Variants in RPS6KA3 observed in about 807,000 individuals in gnomAD.
RPS6KA3 encodes the protein ribosomal protein S6 kinase alpha-3.
RPS6KA3 carries 4 observed loss-of-function variants against 67.2 expected under a neutral mutation model. The observed-to-expected ratio is 0.06, with a 90% CI of 0.03 to 0.14. RPS6KA3 has a LOEUF of 0.14. RPS6KA3 is among the 10% of genes least tolerant of loss of function. The pLI, the probability that RPS6KA3 is intolerant of heterozygous loss-of-function variation, is 1.00. For synonymous variants in RPS6KA3, 182 were observed against 183.7 expected (o/e 0.99, Z 0.07); for missense variants, 204 against 559.0 (o/e 0.36, Z 6.40).
At chrX:20,229,664 T>C (rs1030256425) in intron 2 of RPS6KA3, among the ~76,000 whole-genome samples, 1 of 112,586 alleles carries the variant, frequency 8.9e-6, no homozygotes, top group Non-Finnish European at 1.9e-5. Flanking sequence ...AAAGGAAAAC[T>C]TTTAATTATA....
chrX:20,176,046 T>G (rs373928521), intron 13 of RPS6KA3, among the ~76,000 whole-genome samples: 1 of 110,786 alleles, frequency 9.0e-6, no homozygotes, highest in Non-Finnish European at 1.9e-5. Flanking sequence ...AATTTTGGTA[T>G]TTTTAGTAGA....
At chrX:20,188,135 G>A (rs1022650689) in intron 8 of RPS6KA3, among the ~76,000 whole-genome samples, 165 bp from the exon 9 acceptor site, 10 of 111,649 alleles carry the variant, frequency 9.0e-5, no homozygotes, top group East Asian at 5.6e-4. Flanking sequence ...GTACAGTGAC[G>A]CCATCTTGGC....
At chrX:20,260,886 A>T (rs1279133590) in intron 1 of RPS6KA3, among the ~76,000 whole-genome samples, 1 of 112,017 alleles carries the variant, frequency 8.9e-6, no homozygotes, top group East Asian at 2.8e-4. Context: ...CAGAGCCAGG[A>T]CTCAAACACA....
intron 2 of RPS6KA3, among the ~76,000 whole-genome samples, chrX:20,216,452 T>C (rs1376173531): frequency 9.0e-6 from 1 of 111,104 alleles, no homozygotes; most frequent in Non-Finnish European, 1.9e-5. Flanking sequence ...ATAAGTCAAA[T>C]GGACCAAAAA....
intron 9 of RPS6KA3, among the ~76,000 whole-genome samples, chrX:20,187,212 C>T (rs1334794869): frequency 3.7e-5 from 4 of 109,533 alleles, no homozygotes; most frequent in East Asian, 5.8e-4. Flanking sequence ...CCACCGCGCC[C>T]GGCAGAACTT....
intron 20 of RPS6KA3, among the ~76,000 whole-genome samples, chrX:20,160,313 C>T (rs1010979886): frequency 5.2e-4 from 58 of 112,190 alleles, no homozygotes; most frequent in African/African-American, 1.8e-3. Flanking sequence ...TTATTAAGCA[C>T]ATTGTAGGCA....
chrX:20,162,140 A>G lies in RPS6KA3; in HGVS notation c.1842-379T>C, dbSNP rs764312560. 2.7e-5 allele frequency among the ~76,000 whole-genome samples: 3 copies of G among 109,235 alleles called. No homozygotes were observed. The East Asian group carries it at 8.7e-4, about 32-fold the overall frequency. 94.9% of individuals were successfully genotyped at this position (109,235 alleles called of 115,157 possible). A position where few individuals can be genotyped will look rare whatever the true frequency, so the allele number is the denominator to read the frequency against. On this transcript the variant is annotated intron_variant, in intron 19 of 21. Coordinates refer to ENST00000379565, the MANE Select transcript of RPS6KA3 (RefSeq NM_004586.3). The stretch of plus-strand genomic sequence containing the variant: ...ATCACGAGGTCAGGAGTTTGAGACC[A>G]GCCTGGCCAACATGATGAAACATTG...
intron 1 of RPS6KA3, among the ~76,000 whole-genome samples, chrX:20,259,276 T>A (rs1021566511): frequency 2.7e-5 from 3 of 111,428 alleles, no homozygotes; most frequent in African/African-American, 9.8e-5. Flanking sequence ...TGGCATAAAG[T>A]GGCATATAAG....
At chrX:20,208,710 G>A (rs1355797285) in intron 3 of RPS6KA3, among the ~76,000 whole-genome samples, 1 of 111,677 alleles carries the variant, frequency 9.0e-6, no homozygotes, top group African/African-American at 3.3e-5. Context: ...AGAGGAGGCA[G>A]ACCCTGCCTT....
intron 1 of RPS6KA3, among the ~76,000 whole-genome samples, chrX:20,242,092 T>C (rs986729133): frequency 9.0e-6 from 1 of 111,448 alleles, no homozygotes; most frequent in African/African-American, 3.3e-5. Context: ...AAGGGTTCAA[T>C]AGTGAAGAAT....
rs1441792340 is a variant in RPS6KA3, at chrX:20,151,346, G to A, written c.*4052C>T. The A allele has an allele frequency of 8.9e-6, 1 of 112,776 alleles. No homozygotes were observed. Among genetic ancestry groups the A allele is most frequent in the Non-Finnish European group, 1.9e-5 (1 of 53,323 alleles). The allele number at this position is 112,776 out of a possible 1,213,427, so 9.3% of individuals were successfully genotyped here. On this transcript the variant is annotated 3_prime_UTR_variant, in exon 22 of 22. Coordinates refer to ENST00000379565, the MANE Select transcript of RPS6KA3 (RefSeq NM_004586.3). ...TGGTCTCCACCAATGGTCACTTGGG[G>A]AGACCAGCAAAATGTAAGCAACCTG...
At position 20,151,527 on chromosome X, in the gene RPS6KA3, G is replaced by T. The variant is rs1432534137; in HGVS notation, c.*3871C>A. ...AGGGACACAACTCTAGGACTAGATT[G>T]AAACCTCCTGGTTTAAGCACCAAGG... On this transcript the variant is annotated 3_prime_UTR_variant, in exon 22 of 22. Coordinates refer to ENST00000379565, the MANE Select transcript of RPS6KA3 (RefSeq NM_004586.3). 1 of 112,451 alleles carries T rather than the reference G, an allele frequency of 8.9e-6. No homozygotes were observed. Among genetic ancestry groups the T allele is most frequent in the Non-Finnish European group, 1.9e-5 (1 of 53,250 alleles). The allele number at this position is 112,451 out of a possible 1,213,427, so 9.3% of individuals were successfully genotyped here. A position where few individuals can be genotyped will look rare whatever the true frequency, so the allele number is the denominator to read the frequency against.
intron 15 of RPS6KA3, among the ~76,000 whole-genome samples, chrX:20,170,942 T>C (rs966164543): frequency 1.8e-5 from 2 of 109,367 alleles, no homozygotes; most frequent in African/African-American, 6.7e-5. Context: ...GCCTGGCTAA[T>C]TTTTAAACAA....
chrX:20,196,437 TAAATGATTATAA>T (rs774662059), intron 4 of RPS6KA3, among the ~76,000 whole-genome samples: 1 of 112,351 alleles, frequency 8.9e-6, no homozygotes, highest in Admixed American at 9.4e-5. Flanking sequence ...GACAGGTAAA[TAAATGATTATAA>T]TACATTCTAA....
At chrX:20,263,823 A>AG (rs943527921) in intron 1 of RPS6KA3, among the ~76,000 whole-genome samples, 5 of 111,439 alleles carry the variant, frequency 4.5e-5, no homozygotes, top group East Asian at 2.8e-4. Flanking sequence ...GGATTCAGAG[A>AG]GGGGGGGAAA....
intron 1 of RPS6KA3, among the ~76,000 whole-genome samples, chrX:20,259,725 C>A (rs2147078917): frequency 9.0e-6 from 1 of 111,345 alleles, no homozygotes; most frequent in Non-Finnish European, 1.9e-5. Flanking sequence ...ATGCCGTGGG[C>A]CATATCCATT....
intron 2 of RPS6KA3, among the ~76,000 whole-genome samples, chrX:20,212,313 C>T (rs769627160): frequency 9.0e-6 from 1 of 111,237 alleles, no homozygotes; most frequent in African/African-American, 3.3e-5. Flanking sequence ...GCCTGGCCAA[C>T]AGGGTGAAAT....
At chrX:20,158,883 A>G (rs1461564532) in intron 20 of RPS6KA3, among the ~76,000 whole-genome samples, 2 of 111,717 alleles carry the variant, frequency 1.8e-5, no homozygotes, top group African/African-American at 3.3e-5. Flanking sequence ...GCTACTATGG[A>G]TGATGACAAC....
intron 1 of RPS6KA3, among the ~76,000 whole-genome samples, chrX:20,262,636 C>G (rs1220311333): frequency 9.0e-6 from 1 of 111,315 alleles, no homozygotes; most frequent in East Asian, 2.8e-4. Context: ...TCACTGAAAA[C>G]AATGAAGTGT....
Sources: allele counts gnomAD v4.1 joint callset (sites outside exome capture counted in the v4.1 genomes callset), GRCh38; gene constraint gnomAD v4.1.1; transcripts MANE v1.5; gene names NCBI Gene and HGNC (gene_info 2026-07-23, HGNC 2026-07-21).